Variants in SYTL5 observed in about 807,000 individuals in gnomAD.
SYTL5 encodes the protein synaptotagmin-like protein 5.
SYTL5 carries 34 observed loss-of-function variants against 55.9 expected under a neutral mutation model. The ratio of observed to expected loss-of-function variants is 0.61; its 90% CI spans 0.46 to 0.81. SYTL5 has a LOEUF of 0.81. Among genes scored for constraint, SYTL5 ranks in the 30% least tolerant of loss-of-function variants. The pLI, the probability that SYTL5 is intolerant of heterozygous loss-of-function variation, is 0.00. For missense variants in SYTL5, 637 were observed against 546.7 expected (o/e 1.17, Z -1.65); for synonymous variants, 221 against 188.7 (o/e 1.17, Z -1.40).
At chrX:37,964,724 C>T in the SYTL5 span, among the ~76,000 whole-genome samples, 214 of 111,163 alleles carry the variant, frequency 1.9e-3, no homozygotes, top group African/African-American at 6.6e-3. Context: ...TGGTCCTGGG[C>T]TTCTTGTCAT....
the SYTL5 span, among the ~76,000 whole-genome samples, chrX:37,934,354 A>G: frequency 9.1e-6 from 1 of 109,748 alleles, no homozygotes; most frequent in Non-Finnish European, 1.9e-5. Flanking sequence ...GAACATCAAT[A>G]AAGAGATAAA....
At chrX:37,914,002 T>G in the SYTL5 span, among the ~76,000 whole-genome samples, 1 of 112,081 alleles carries the variant, frequency 8.9e-6, no homozygotes, top group Non-Finnish European at 1.9e-5. Context: ...GCTGACATTT[T>G]TATGTCCCTT....
the SYTL5 span, among the ~76,000 whole-genome samples, chrX:37,941,549 T>C: frequency 9.0e-6 from 1 of 111,497 alleles, no homozygotes. Context: ...GGGCTTTTTT[T>C]CCCCTGTGGT....
the SYTL5 span, among the ~76,000 whole-genome samples, chrX:37,969,837 T>C: frequency 8.9e-6 from 1 of 111,738 alleles, no homozygotes; most frequent in Non-Finnish European, 1.9e-5. Context: ...TTTCACCATG[T>C]TGGCTAGCCT....
chrX:38,103,433 C>T (rs1310259655), intron 10 of SYTL5, among the ~76,000 whole-genome samples: 1 of 110,902 alleles, frequency 9.0e-6, no homozygotes, highest in Non-Finnish European at 1.9e-5. Context: ...CTTAGTTTCT[C>T]ACAAGCCTCC....
At chrX:38,126,504 G>T (rs1261341522) in intron 16 of SYTL5, 84 bp from the exon 17 acceptor site, 3 of 1,017,064 alleles carry the variant, frequency 2.9e-6, no homozygotes, top group East Asian at 3.1e-5. Context: ...TGGTGAAAAG[G>T]CCTGCTCAGA....
chrX:37,924,979 T>G, the SYTL5 span, among the ~76,000 whole-genome samples: 1 of 111,250 alleles, frequency 9.0e-6, no homozygotes, highest in Non-Finnish European at 1.9e-5. Context: ...TTTTTTTTTA[T>G]CTAAATGTCT....
At chrX:37,977,367 G>T in the SYTL5 span, among the ~76,000 whole-genome samples, 1 of 110,819 alleles carries the variant, frequency 9.0e-6, no homozygotes, top group East Asian at 2.8e-4. Flanking sequence ...AAGGTGGCTT[G>T]GGGGTAGGAA....
the SYTL5 span, among the ~76,000 whole-genome samples, chrX:37,914,527 A>G: frequency 9.0e-6 from 1 of 111,527 alleles, no homozygotes; most frequent in East Asian, 2.8e-4. Flanking sequence ...TAGGAATCAT[A>G]CACACATGAT....
chrX:38,032,877 C>T (rs1275947429), intron 1 of SYTL5, among the ~76,000 whole-genome samples: 2 of 110,389 alleles, frequency 1.8e-5, no homozygotes, highest in Non-Finnish European at 3.8e-5. Context: ...GTATCTGCCA[C>T]CATGCCCAGC....
At chrX:38,023,344 A>G (rs1041827093) in intron 1 of SYTL5, among the ~76,000 whole-genome samples, 9 of 111,036 alleles carry the variant, frequency 8.1e-5, no homozygotes, top group African/African-American at 2.6e-4. Context: ...GTTCTTGAAA[A>G]TTTTTTAAAG....
intron 10 of SYTL5, among the ~76,000 whole-genome samples, chrX:38,105,737 T>C (rs1406766560): frequency 8.9e-6 from 1 of 112,227 alleles, no homozygotes; most frequent in Non-Finnish European, 1.9e-5. Context: ...AGTTTTCCAT[T>C]TAATATTTTT....
chrX:37,995,117 G>A, the SYTL5 span, among the ~76,000 whole-genome samples: 4 of 110,376 alleles, frequency 3.6e-5, no homozygotes, highest in Non-Finnish European at 7.6e-5. Flanking sequence ...AAGACGCCGA[G>A]ACTTCCTCAT....
chrX:37,938,098 T>A, the SYTL5 span, among the ~76,000 whole-genome samples: 4 of 112,363 alleles, frequency 3.6e-5, no homozygotes, highest in East Asian at 1.1e-3. Context: ...CTGCAGCAGA[T>A]AATGATAAGA....
chrX:37,966,436 CTTTTTT>C, the SYTL5 span, among the ~76,000 whole-genome samples: 2,425 of 78,110 alleles, frequency 0.031, 76 homozygotes, highest in African/African-American at 0.11. Flanking sequence ...TTTTCTTTTT[CTTTTTT>C]TTTTTTTTTT....
At chrX:38,066,461 T>C (rs557045582) in intron 3 of SYTL5, among the ~76,000 whole-genome samples, 1 of 112,017 alleles carries the variant, frequency 8.9e-6, no homozygotes, top group African/African-American at 3.2e-5. Context: ...TAGCCCACTG[T>C]GATTTTAATC....
intron 10 of SYTL5, among the ~76,000 whole-genome samples, chrX:38,104,921 A>G (rs771257567): frequency 1.1e-4 from 12 of 112,356 alleles, no homozygotes; most frequent in Non-Finnish European, 2.1e-4. Flanking sequence ...GCGTAGTACC[A>G]AACCCTAGCC....
the SYTL5 span, among the ~76,000 whole-genome samples, chrX:37,987,914 C>T: frequency 0.019 from 2,146 of 111,812 alleles, 59 homozygotes; most frequent in African/African-American, 0.067. Flanking sequence ...TTGTTTGCTT[C>T]CTTTCCTTCT....
chrX:37,940,414 G>A, the SYTL5 span, among the ~76,000 whole-genome samples: 5 of 105,394 alleles, frequency 4.7e-5, no homozygotes, highest in Admixed American at 5.2e-4. Flanking sequence ...ATGGGAGACG[G>A]AACTTGCAGT....
Sources: allele counts gnomAD v4.1 joint callset (sites outside exome capture counted in the v4.1 genomes callset), GRCh38; gene constraint gnomAD v4.1.1; transcripts MANE v1.5; gene names NCBI Gene and HGNC (gene_info 2026-07-23, HGNC 2026-07-21).